The following PHF20 variants were observed in gnomAD, a reference collection of about 807,000 sequenced individuals.
PHF20 encodes PHD finger protein 20, also known as glioma-expressed antigen 2.
PHF20 carries 23 observed loss-of-function variants against 113.5 expected under a neutral mutation model. The observed-to-expected ratio is 0.20, with a 90% CI of 0.15 to 0.29. PHF20 has a LOEUF of 0.29. Among genes scored for constraint, PHF20 ranks in the 10% least tolerant of loss-of-function variants. PHF20 has a pLI of 1.00. For missense variants in PHF20, 943 were observed against 1,219.6 expected, an observed-to-expected ratio of 0.77 and a Z score of 3.38; for synonymous variants, 434 against 457.3, an observed-to-expected ratio of 0.95 and a Z score of 0.65.
At chr20:35,893,121 G>T (rs6058346) in intron 9 of PHF20, among the ~76,000 whole-genome samples, 35,375 of 152,140 alleles carry the variant, frequency 0.23, 4,646 homozygotes, top group South Asian at 0.36. Context: ...GTGCCAAGCT[G>T]GCGCTCCTTT....
In PHF20 at chr20:35,780,730, T is replaced by C. The variant is rs184554602; in HGVS notation, c.-33+8651T>C. ...CCCGGCTAATCTTTTATATTTTTAG[T>C]AGAGACGGGGTTTCACCATGTTGCC... On this transcript the variant is annotated intron_variant, in intron 1 of 17. Transcript: ENST00000374012. Among the ~76,000 whole-genome samples, 5 of 150,618 alleles carry C rather than the reference T, an allele frequency of 3.3e-5. No homozygotes were observed. The East Asian group carries it at 9.9e-4, about 30-fold the overall frequency.
rs531179061 is a variant in PHF20 at position 35,879,864 on chromosome 20, G to A, written c.1282+8035G>A. 2.6e-5 allele frequency among the ~76,000 whole-genome samples: 4 copies of A among 151,816 alleles called. No individual in the cohort carries two copies. In the East Asian group the frequency reaches 5.8e-4, roughly 22 times the overall value. On this transcript the variant is annotated intron_variant, in intron 9 of 17. Coordinates refer to ENST00000374012, the MANE Select transcript of PHF20 (RefSeq NM_016436.5). ...ATTAGCCGGGTGTGGTGGCATGTGC[G>A]TGTAATCCCAGCTACTTGTGAGGCT...
intron 9 of PHF20, among the ~76,000 whole-genome samples, chr20:35,883,463 G>C (rs1357564913): frequency 6.6e-6 from 1 of 152,126 alleles, no homozygotes; most frequent in African/African-American, 2.4e-5. Context: ...GTTTGAGACA[G>C]GGTCTCACTC....
At chr20:35,939,212 A>T (rs1307560870) in intron 16 of PHF20, 104 bp downstream of exon 16, 2 of 1,279,088 alleles carry the variant, frequency 1.6e-6, no homozygotes, top group Non-Finnish European at 1.1e-6. Flanking sequence ...ATAAAACTGT[A>T]TTTAAATTTG....
chr20:35,789,125 A>G (rs1394110605), intron 1 of PHF20, among the ~76,000 whole-genome samples: 1 of 152,278 alleles, frequency 6.6e-6, no homozygotes. Flanking sequence ...AAGAGAAAGC[A>G]GCTTGTTTGG....
At chr20:35,866,600 T>TGGCAGAAATCTGACATGTCCTTA (rs1017710922) in intron 6 of PHF20, among the ~76,000 whole-genome samples, 1 of 152,210 alleles carries the variant, frequency 6.6e-6, no homozygotes, top group African/African-American at 2.4e-5. Context: ...AAATGTAAAC[T>TGGCAGAAATCTGACATGTCCTTA]GGCAGAAATC....
intron 12 of PHF20, among the ~76,000 whole-genome samples, chr20:35,915,206 CCTG>C (rs2147086438): frequency 6.6e-6 from 1 of 150,378 alleles, no homozygotes; most frequent in Non-Finnish European, 1.5e-5. Context: ...GCCAGTGTGT[CCTG>C]CTACAGGATG....
chr20:35,852,185 A>G (rs2042744529), intron 4 of PHF20, among the ~76,000 whole-genome samples: 1 of 152,208 alleles, frequency 6.6e-6, no homozygotes, highest in Non-Finnish European at 1.5e-5. Flanking sequence ...GGTTCTACAG[A>G]GTCCCTAAAC....
chr20:35,793,669 T>C (rs551894177), intron 1 of PHF20, among the ~76,000 whole-genome samples: 42 of 151,994 alleles, frequency 2.8e-4, no homozygotes, highest in African/African-American at 9.4e-4. Flanking sequence ...TATTTTGTTG[T>C]TTTTCCCACA....
chr20:35,880,724 G>C (rs939493594), intron 9 of PHF20, among the ~76,000 whole-genome samples: 1 of 152,112 alleles, frequency 6.6e-6, no homozygotes. Flanking sequence ...ACTTTGGGAG[G>C]CTGACGCGGG....
intron 2 of PHF20, among the ~76,000 whole-genome samples, chr20:35,815,219 GTAAA>G (rs1438850663): frequency 6.6e-6 from 1 of 151,864 alleles, no homozygotes; most frequent in Admixed American, 6.6e-5. Context: ...AAATAAATAA[GTAAA>G]TAAATAGATG....
At chr20:35,920,218 G>A (rs561990317) in intron 13 of PHF20, among the ~76,000 whole-genome samples, 3 of 152,296 alleles carry the variant, frequency 2.0e-5, no homozygotes, top group East Asian at 3.9e-4. Flanking sequence ...ATGGAATCAC[G>A]TGGTATGTAT....
chr20:35,921,507 A>T (rs770858831), intron 13 of PHF20, among the ~76,000 whole-genome samples: 6 of 151,984 alleles, frequency 3.9e-5, no homozygotes, highest in Non-Finnish European at 8.8e-5. Context: ...ACATAGCAAG[A>T]TCCTACCTCT....
intron 10 of PHF20, among the ~76,000 whole-genome samples, chr20:35,904,708 A>G (rs997995685): frequency 5.3e-4 from 81 of 151,728 alleles, no homozygotes; most frequent in African/African-American, 1.8e-3. Flanking sequence ...CTTAGTAGCA[A>G]CCTGCCACTG....
At chr20:35,793,995 C>CAAAACAAAAAAAAAAAA (rs1385077985) in intron 1 of PHF20, among the ~76,000 whole-genome samples, 55 of 33,840 alleles carry the variant, frequency 1.6e-3, no homozygotes, top group Non-Finnish European at 2.7e-3. Flanking sequence ...GACTCTGTCT[C>CAAAACAAAAAAAAAAAA]AAAAAAAAAA....
At chr20:35,782,274 T>C (rs1409121051) in intron 1 of PHF20, 4 of 146,680 alleles carry the variant, frequency 2.7e-5, no homozygotes, top group African/African-American at 1.0e-4. Flanking sequence ...TTTTTTTTTC[T>C]TTTTTTCTTT....
intron 15 of PHF20, 62 bp from the exon 16 acceptor site, chr20:35,938,635 T>A: frequency 6.7e-7 from 1 of 1,488,070 alleles, no homozygotes; most frequent in Non-Finnish European, 9.0e-7. Flanking sequence ...ATTTAGGAAT[T>A]GAGAACCCCT....
At chr20:35,927,691 C>A in intron 13 of PHF20, 89 bp from the exon 14 acceptor site, 1 of 966,102 alleles carries the variant, frequency 1.0e-6, no homozygotes, top group Non-Finnish European at 1.7e-6. Flanking sequence ...TTCTATCCTC[C>A]CATGCCCCTC....
chr20:35,840,152 G>A (rs1215577595), intron 2 of PHF20, among the ~76,000 whole-genome samples: 1 of 152,126 alleles, frequency 6.6e-6, no homozygotes, highest in Non-Finnish European at 1.5e-5. Context: ...AGGTTGCAGG[G>A]AGAAAATACA....
Sources: gnomAD v4.1 joint callset for allele counts (sites outside exome capture counted in the v4.1 genomes callset) on GRCh38, gnomAD v4.1.1 for gene constraint, MANE v1.5 for transcripts, NCBI Gene and HGNC (gene_info 2026-07-23, HGNC 2026-07-21) for gene names.